Variants in RSPO3 observed in about 807,000 individuals in gnomAD.
RSPO3 encodes the protein R-spondin 3, also known as R-spondin-3.
In RSPO3, 17 loss-of-function variants were observed where a neutral mutation model predicts 36.5. That is an observed-to-expected ratio of 0.47 (90% CI 0.32 to 0.70). The LOEUF (loss-of-function observed/expected upper bound fraction) is 0.70. RSPO3 is among the 30% of genes least tolerant of loss of function. The pLI, the probability that RSPO3 is intolerant of heterozygous loss-of-function variation, is 0.04. For missense variants in RSPO3, 294 were observed against 322.5 expected (o/e 0.91, Z 0.68); for synonymous variants, 108 against 107.0 (o/e 1.01, Z -0.06).
chr6:127,124,923 A>G (rs1297282409), intron 1 of RSPO3, among the ~76,000 whole-genome samples: 1 of 152,130 alleles, frequency 6.6e-6, no homozygotes, highest in Non-Finnish European at 1.5e-5. Flanking sequence ...TTGATTGCTA[A>G]GAATCCCATT....
chr6:127,187,634 A>G (rs927468020), intron 4 of RSPO3, among the ~76,000 whole-genome samples: 9 of 152,158 alleles, frequency 5.9e-5, no homozygotes, highest in African/African-American at 1.9e-4. Flanking sequence ...ATGTAAGTCA[A>G]TGTATCTGAT....
chr6:127,144,339 C>A (rs1293021934), intron 1 of RSPO3, among the ~76,000 whole-genome samples: 1 of 152,096 alleles, frequency 6.6e-6, no homozygotes, highest in Non-Finnish European at 1.5e-5. Flanking sequence ...GATATAGTTA[C>A]CAGATATCAA....
Position 127,196,073 on chromosome 6 carries a change from C to T in RSPO3, c.*66C>T, listed in dbSNP as rs1318450607. On this transcript the variant is annotated 3_prime_UTR_variant, in exon 5 of 5. Transcript: ENST00000356698. ...CTCAACCAGATGCCCAGGACAGGTG[C>T]TCTAGCCATTAGGACCACAAATGGA... The T allele has an allele frequency of 3.7e-6, 5 of 1,369,376 alleles. No homozygotes were observed. The African/African-American group carries it at 7.2e-5, about 20-fold the overall frequency. 84.8% of individuals were successfully genotyped at this position (1,369,376 alleles called of 1,614,324 possible). A position where few individuals can be genotyped will look rare whatever the true frequency, so the allele number is the denominator to read the frequency against.
chr6:127,172,228 T>A (rs1200003801), intron 4 of RSPO3, among the ~76,000 whole-genome samples: 1 of 120,874 alleles, frequency 8.3e-6, no homozygotes, highest in Admixed American at 8.4e-5. Context: ...ATATATATAA[T>A]ATATACACAA....
intron 4 of RSPO3, among the ~76,000 whole-genome samples, chr6:127,157,969 C>G (rs527409069): frequency 2.0e-5 from 3 of 151,396 alleles, no homozygotes; most frequent in East Asian, 1.9e-4. Flanking sequence ...AGCATCATAT[C>G]AAAATAATAA....
At chr6:127,139,384 T>A (rs947924043) in intron 1 of RSPO3, among the ~76,000 whole-genome samples, 1 of 152,316 alleles carries the variant, frequency 6.6e-6, no homozygotes, top group South Asian at 2.1e-4. Flanking sequence ...ATTCACAATA[T>A]AACAAAGTGG....
chr6:127,199,246 T>C lies in RSPO3; in HGVS notation c.*3239T>C, dbSNP rs1203938957. 6.6e-6 allele frequency among the ~76,000 whole-genome samples: 1 copy of C among 152,190 alleles called. No homozygotes were observed. Among genetic ancestry groups the C allele is most frequent in the Non-Finnish European group, 1.5e-5 (1 of 68,040 alleles). On this transcript the variant is annotated 3_prime_UTR_variant, in exon 5 of 5. Transcript: ENST00000356698. ...TGGCATCATCTCTTTTGCAAGATTG[T>C]TATGAGAATTAAAAGGTTCTTCATT...
chr6:127,133,276 C>CA (rs1235613849), intron 1 of RSPO3, among the ~76,000 whole-genome samples: 68 of 152,050 alleles, frequency 4.5e-4, no homozygotes, highest in Admixed American at 2.9e-3. Context: ...GGAAAATAAT[C>CA]AAAAGGGATC....
At chr6:127,138,963 G>A (rs1021524897) in intron 1 of RSPO3, among the ~76,000 whole-genome samples, 2 of 152,206 alleles carry the variant, frequency 1.3e-5, no homozygotes, top group Admixed American at 6.5e-5. Context: ...TCTGGGAAGT[G>A]TGCAGGACCC....
intron 4 of RSPO3, among the ~76,000 whole-genome samples, chr6:127,169,422 G>A (rs1774893014): frequency 6.6e-6 from 1 of 151,820 alleles, no homozygotes. Context: ...ATGATCATAG[G>A]TATGTATAAG....
At chr6:127,194,265 G>GT (rs761844911) in intron 4 of RSPO3, among the ~76,000 whole-genome samples, 40 of 152,120 alleles carry the variant, frequency 2.6e-4, no homozygotes, top group Non-Finnish European at 1.9e-4. Context: ...AAATATTTTG[G>GT]TTCTCTCATG....
At chr6:127,193,931 C>T (rs1775463545) in intron 4 of RSPO3, among the ~76,000 whole-genome samples, 1 of 152,046 alleles carries the variant, frequency 6.6e-6, no homozygotes, top group South Asian at 2.1e-4. Flanking sequence ...GTTGTTTGTT[C>T]CTCTCTGTAT....
intron 4 of RSPO3, among the ~76,000 whole-genome samples, chr6:127,179,099 A>G (rs1775128644): frequency 6.6e-6 from 1 of 151,874 alleles, no homozygotes; most frequent in African/African-American, 2.4e-5. Context: ...CTTAATAAGA[A>G]TTCTTGTTCA....
At chr6:127,173,406 G>A (rs904812659) in intron 4 of RSPO3, among the ~76,000 whole-genome samples, 1 of 151,778 alleles carries the variant, frequency 6.6e-6, no homozygotes, top group Middle Eastern at 3.2e-3. Flanking sequence ...CTGTTAAGTG[G>A]TTTGTGCAAT....
At chr6:127,182,714 G>A (rs936542588) in intron 4 of RSPO3, among the ~76,000 whole-genome samples, 2 of 151,838 alleles carry the variant, frequency 1.3e-5, no homozygotes, top group Admixed American at 1.3e-4. Context: ...CCATTTTGGT[G>A]GCATTCCACT....
In RSPO3 at chr6:127,197,500, G is replaced by A; in HGVS notation, c.*1493G>A. 6.4e-7 allele frequency: 1 copy of A among 1,550,548 alleles called. No homozygotes were observed. The highest frequency in any genetic ancestry group is 2.4e-5 in the East Asian group (1 of 40,908). ...CACAGCCCACCCCTTGCAGGAGGAG[G>A]TATCTCTGAGTGTGCAGCACAGAAT... On this transcript the variant is annotated 3_prime_UTR_variant, in exon 5 of 5. Coordinates refer to ENST00000356698, the MANE Select transcript of RSPO3 (RefSeq NM_032784.5).
chr6:127,127,739 G>A (rs956354615), intron 1 of RSPO3, among the ~76,000 whole-genome samples: 1 of 151,850 alleles, frequency 6.6e-6, no homozygotes, highest in African/African-American at 2.4e-5. Flanking sequence ...CATTAGGGTT[G>A]GTACTTGAGG....
chr6:127,180,492 A>AG (rs1775160652), intron 4 of RSPO3, among the ~76,000 whole-genome samples: 1 of 145,532 alleles, frequency 6.9e-6, no homozygotes. Flanking sequence ...GAAAACAAAA[A>AG]AAAAAAAAAA....
chr6:127,178,309 G>A (rs1338830170), intron 4 of RSPO3, among the ~76,000 whole-genome samples: 2 of 151,786 alleles, frequency 1.3e-5, no homozygotes, highest in South Asian at 4.1e-4. Context: ...TATGTGTCTT[G>A]AAGCAGCTTT....
Sources: gnomAD v4.1 joint callset for allele counts (sites outside exome capture counted in the v4.1 genomes callset) on GRCh38, gnomAD v4.1.1 for gene constraint, MANE v1.5 for transcripts, NCBI Gene and HGNC (gene_info 2026-07-23, HGNC 2026-07-21) for gene names.